ROR1: variants seen among roughly 807,000 people sequenced by gnomAD.
The protein encoded by ROR1 is ROR family WNT receptor 1, also known as inactive tyrosine-protein kinase transmembrane receptor ROR1.
A neutral mutation model predicts 78.8 loss-of-function variants in ROR1; 19 were observed. The observed-to-expected ratio is 0.24, with a 90% CI of 0.17 to 0.35. ROR1 has a LOEUF of 0.35. Ranked by LOEUF, ROR1 falls within the 10% of genes least tolerant of loss-of-function variation. The pLI is 1.00. For synonymous variants in ROR1, 386 were observed against 433.6 expected, an observed-to-expected ratio of 0.89 and a Z score of 1.36; for missense variants, 917 against 1,177.8, an observed-to-expected ratio of 0.78 and a Z score of 3.24.
At position 63,844,720 on chromosome 1, in the gene ROR1, G is replaced by GCA. The variant is rs1367944220; in HGVS notation, c.91+70213_91+70214dup. 3.5e-3 allele frequency among the ~76,000 whole-genome samples: 534 copies of GCA among 151,842 alleles called. 2 individuals are homozygous for GCA. The highest frequency in any genetic ancestry group is 0.012 in the African/African-American group (514 of 41,362). On this transcript the variant is annotated intron_variant, in intron 1 of 8. Coordinates refer to ENST00000371079, the MANE Select transcript of ROR1 (RefSeq NM_005012.4). ...AGGGAGTTTGCTTGTTGAGTGTGGTGCATGTAGTGAGGAAGCCTGTTTAAA... is the reference window on the plus strand; with the variant it reads ...AGGGAGTTTGCTTGTTGAGTGTGGTGCACATGTAGTGAGGAAGCCTGTTTAAA...
chr1:64,053,363 G>A (rs1646848824), intron 4 of ROR1, among the ~76,000 whole-genome samples: 1 of 152,192 alleles, frequency 6.6e-6, no homozygotes, highest in Admixed American at 6.5e-5. Context: ...AAAGGCACTT[G>A]TCACTTCCTC....
intron 4 of ROR1, chr1:64,106,607 G>A (rs923011759): frequency 6.6e-6 from 1 of 152,116 alleles, no homozygotes; most frequent in Admixed American, 6.6e-5. Context: ...GTCATAAACA[G>A]CTCTTTTATT....
At chr1:64,121,125 T>G (rs28454340) in intron 4 of ROR1, among the ~76,000 whole-genome samples, 44,120 of 136,064 alleles carry the variant, frequency 0.32, 7,982 homozygotes, top group African/African-American at 0.41. Flanking sequence ...TTTCTTTTCT[T>G]CTTTCCCTTC....
intron 2 of ROR1, among the ~76,000 whole-genome samples, chr1:64,013,573 T>C (rs148693354): frequency 1.4e-4 from 21 of 152,268 alleles, no homozygotes; most frequent in African/African-American, 5.1e-4. Context: ...CCTTGAACAT[T>C]CCCTCCTTCC....
At chr1:64,097,664 A>C (rs1231432252) in intron 4 of ROR1, among the ~76,000 whole-genome samples, 1 of 151,954 alleles carries the variant, frequency 6.6e-6, no homozygotes, top group African/African-American at 2.4e-5. Context: ...CATTTTACCA[A>C]GGGAAAAAAA....
chr1:63,945,836 A>G (rs1306316743), intron 1 of ROR1, among the ~76,000 whole-genome samples: 1 of 152,238 alleles, frequency 6.6e-6, no homozygotes, highest in Non-Finnish European at 1.5e-5. Context: ...GATTCTTAGC[A>G]AAAATACAAG....
At chr1:63,915,852 T>C (rs1231640769) in intron 1 of ROR1, among the ~76,000 whole-genome samples, 1 of 152,060 alleles carries the variant, frequency 6.6e-6, no homozygotes, top group Non-Finnish European at 1.5e-5. Context: ...TATCTTGTAA[T>C]GGATGCATCA....
At chr1:63,846,134 G>GAA (rs1357491777) in intron 1 of ROR1, among the ~76,000 whole-genome samples, 1,715 of 67,816 alleles carry the variant, frequency 0.025, 43 homozygotes, top group African/African-American at 0.096. Flanking sequence ...GTGTGTGTGT[G>GAA]TGTGTGTGTG....
chr1:63,834,135 G>T (rs571038310), intron 1 of ROR1, among the ~76,000 whole-genome samples: 1 of 151,556 alleles, frequency 6.6e-6, no homozygotes, highest in South Asian at 2.1e-4. Flanking sequence ...TAGTAAGAAA[G>T]ATGTTACCCT....
chr1:64,156,482 G>T (rs1649774266), intron 7 of ROR1, among the ~76,000 whole-genome samples: 1 of 152,082 alleles, frequency 6.6e-6, no homozygotes, highest in African/African-American at 2.4e-5. Context: ...GCCGAGGCAG[G>T]CGGATCACGA....
intron 1 of ROR1, among the ~76,000 whole-genome samples, chr1:63,817,044 G>A (rs1644896393): frequency 6.6e-6 from 1 of 152,180 alleles, no homozygotes; most frequent in Non-Finnish European, 1.5e-5. Context: ...AGTTTTCAAA[G>A]CATTACCCTT....
chr1:63,913,767 A>G (rs1443905003), intron 1 of ROR1, among the ~76,000 whole-genome samples: 3 of 152,218 alleles, frequency 2.0e-5, no homozygotes, highest in Non-Finnish European at 2.9e-5. Flanking sequence ...CTGTTTGGAT[A>G]AGAGCAGGGG....
At chr1:64,126,200 T>C (rs1005352108) in intron 4 of ROR1, among the ~76,000 whole-genome samples, 2 of 152,178 alleles carry the variant, frequency 1.3e-5, no homozygotes, top group Admixed American at 6.5e-5. Flanking sequence ...CAGTGTGATA[T>C]GTTCAGAAAC....
chr1:63,972,595 A>T (rs1646127725), intron 1 of ROR1, among the ~76,000 whole-genome samples: 1 of 152,202 alleles, frequency 6.6e-6, no homozygotes, highest in East Asian at 1.9e-4. Context: ...GAAAGAAGGG[A>T]TGTGGACATT....
At chr1:63,894,131 C>T (rs1015658329) in intron 1 of ROR1, among the ~76,000 whole-genome samples, 7 of 152,092 alleles carry the variant, frequency 4.6e-5, no homozygotes, top group African/African-American at 1.7e-4. Flanking sequence ...ATCACCAAGA[C>T]AGCTACTAAG....
intron 1 of ROR1, among the ~76,000 whole-genome samples, chr1:63,976,429 G>A (rs1646161451): frequency 6.6e-6 from 1 of 152,128 alleles, no homozygotes; most frequent in African/African-American, 2.4e-5. Flanking sequence ...GAGAAAATTG[G>A]CCAACTTTAG....
At chr1:64,015,849 C>T (rs1449598305) in intron 2 of ROR1, among the ~76,000 whole-genome samples, 1 of 152,116 alleles carries the variant, frequency 6.6e-6, no homozygotes, top group Non-Finnish European at 1.5e-5. Context: ...GTCACCTTGC[C>T]ATTATCAACT....
intron 1 of ROR1, among the ~76,000 whole-genome samples, chr1:63,816,718 C>G (rs1467928992): frequency 6.6e-6 from 1 of 152,200 alleles, no homozygotes; most frequent in Non-Finnish European, 1.5e-5. Flanking sequence ...GAGACGGGCT[C>G]AAGTGCTGCC....
chr1:63,975,070 G>A (rs1017838409), intron 1 of ROR1, among the ~76,000 whole-genome samples: 1 of 152,148 alleles, frequency 6.6e-6, no homozygotes, highest in South Asian at 2.1e-4. Flanking sequence ...TCAGAGCATA[G>A]ATTAAATATC....
Sources: gnomAD v4.1 joint callset for allele counts (sites outside exome capture counted in the v4.1 genomes callset) on GRCh38, gnomAD v4.1.1 for gene constraint, MANE v1.5 for transcripts, NCBI Gene and HGNC (gene_info 2026-07-23, HGNC 2026-07-21) for gene names.